FMN1: variants seen among roughly 807,000 people sequenced by gnomAD.
The protein encoded by FMN1 is formin 1, also known as formin-1.
A neutral mutation model predicts 132.4 loss-of-function variants in FMN1; 110 were observed. That is an observed-to-expected ratio of 0.83 (90% CI 0.71 to 0.97). The LOEUF is 0.97. FMN1 is among the 50% of genes least tolerant of loss of function. The probability of loss-of-function intolerance (pLI) is 0.00; values close to 1 mark genes in which losing one functional copy is unlikely to be tolerated. For synonymous variants in FMN1, 722 were observed against 651.7 expected, an observed-to-expected ratio of 1.11 and a Z score of -1.64; for missense variants, 1,792 against 1,705.3, an observed-to-expected ratio of 1.05 and a Z score of -0.90.
intron 7 of FMN1, among the ~76,000 whole-genome samples, chr15:32,992,755 G>C (rs1284620753): frequency 6.6e-6 from 1 of 152,006 alleles, no homozygotes; most frequent in African/African-American, 2.4e-5. Flanking sequence ...GGGTCTATGA[G>C]GGAATAAGAA....
intron 17 of FMN1, among the ~76,000 whole-genome samples, chr15:32,824,237 T>C (rs993709800): frequency 6.6e-6 from 1 of 152,206 alleles, no homozygotes; most frequent in Non-Finnish European, 1.5e-5. Flanking sequence ...CCCATTTCCT[T>C]CATACCATGA....
chr15:33,082,168 G>C (rs946956800), intron 5 of FMN1, among the ~76,000 whole-genome samples: 3 of 150,802 alleles, frequency 2.0e-5, no homozygotes, highest in Non-Finnish European at 4.4e-5. Flanking sequence ...CTGCCTCCCA[G>C]TTCAAGCGAT....
chr15:33,180,892 G>A (rs144127869), intron 2 of FMN1, among the ~76,000 whole-genome samples: 4 of 152,164 alleles, frequency 2.6e-5, no homozygotes, highest in Admixed American at 2.0e-4. Flanking sequence ...TGGGATTACA[G>A]GCCAAGTGCT....
At chr15:32,905,286 C>T (rs2060394585) in intron 12 of FMN1, among the ~76,000 whole-genome samples, 1 of 152,208 alleles carries the variant, frequency 6.6e-6, no homozygotes, top group South Asian at 2.1e-4. Context: ...TGAATGGTAT[C>T]ACCTAAGGTG....
At chr15:32,837,195 G>A (rs1002746512) in intron 17 of FMN1, 3 of 232,310 alleles carry the variant, frequency 1.3e-5, no homozygotes, top group Middle Eastern at 6.6e-4. Flanking sequence ...TATCCAGGAC[G>A]GGAAGCTGCT....
At chr15:32,847,838 A>G (rs1440747219) in intron 17 of FMN1, among the ~76,000 whole-genome samples, 1 of 152,084 alleles carries the variant, frequency 6.6e-6, no homozygotes, top group Admixed American at 6.6e-5. Flanking sequence ...CTGGGTGACA[A>G]AGCGAGACTC....
intron 19 of FMN1, among the ~76,000 whole-genome samples, chr15:32,778,199 CATTT>C (rs1384676908): frequency 1.5e-5 from 2 of 129,440 alleles, no homozygotes; most frequent in African/African-American, 5.9e-5. Context: ...TTATATAATA[CATTT>C]ATTTATATAT....
rs564249986 is a variant in FMN1 at position 32,895,366 on chromosome 15, A to C, written c.3714+3468T>G. On this transcript the variant is annotated intron_variant, in intron 15 of 20. Coordinates refer to ENST00000616417, the MANE Select transcript of FMN1 (RefSeq NM_001277313.2). ...GGGAAACAAAAAGAGGAAGGAAAAAAAAAAACAAAAACACAACCTTGCTTG... is the reference window on the plus strand; with the variant it reads ...GGGAAACAAAAAGAGGAAGGAAAAACAAAAACAAAAACACAACCTTGCTTG... Among the ~76,000 whole-genome samples the C allele has an allele frequency of 5.4e-4, 82 of 152,208 alleles. No individual in the cohort carries two copies. In the Middle Eastern group the frequency reaches 0.01, roughly 19 times the overall value.
intron 3 of FMN1, among the ~76,000 whole-genome samples, chr15:33,155,767 C>T (rs570798607): frequency 6.6e-5 from 10 of 152,182 alleles, no homozygotes; most frequent in African/African-American, 2.2e-4. Context: ...CTATAAGGAA[C>T]GGCTGGCCCT....
At chr15:33,061,159 G>C (rs2037464937) in intron 6 of FMN1, among the ~76,000 whole-genome samples, 1 of 152,070 alleles carries the variant, frequency 6.6e-6, no homozygotes, top group Admixed American at 6.6e-5. Flanking sequence ...AGATTTTAAA[G>C]GAATCTAAAA....
At chr15:32,804,434 ATTCGGG>A (rs2057590624) in intron 17 of FMN1, 102 bp from the exon 18 acceptor site, 2 of 93,314 alleles carry the variant, frequency 2.1e-5, no homozygotes, top group African/African-American at 1.6e-4. Context: ...GGAGGTCTGA[ATTCGGG>A]GGGGGGGGGG....
chr15:32,908,647 C>T lies in FMN1; in HGVS notation c.3289-69G>A, dbSNP rs2060486958. The T allele has an allele frequency of 4.2e-6, 4 of 945,308 alleles. No homozygotes were observed. The East Asian group carries it at 1.1e-4, about 25-fold the overall frequency. 58.6% of individuals were successfully genotyped at this position (945,308 alleles called of 1,614,324 possible). On this transcript the variant is annotated intron_variant, in intron 11 of 20. Transcript: ENST00000616417. ...AAGGGAAGTGAGACTCTGGCTATGG[C>T]AGTGGGTCTCAAAGTCTCGAAGTGT...
At chr15:32,959,715 T>C (rs2030285765) in intron 9 of FMN1, among the ~76,000 whole-genome samples, 1 of 152,244 alleles carries the variant, frequency 6.6e-6, no homozygotes, top group South Asian at 2.1e-4. Flanking sequence ...AACTCCTTTG[T>C]TGAACAGGCA....
chr15:33,074,953 G>A (rs987736733), intron 5 of FMN1, among the ~76,000 whole-genome samples: 11 of 147,054 alleles, frequency 7.5e-5, no homozygotes, highest in African/African-American at 2.0e-4. Context: ...CCTGGGAGGT[G>A]GAGGTTGCAG....
At chr15:32,955,843 CTGTG>C (rs755333262) in intron 9 of FMN1, among the ~76,000 whole-genome samples, 6 of 151,774 alleles carry the variant, frequency 4.0e-5, no homozygotes, top group African/African-American at 7.3e-5. Context: ...GCGCACGTGT[CTGTG>C]TGTGTGGTGA....
intron 15 of FMN1, among the ~76,000 whole-genome samples, chr15:32,893,947 G>T (rs915336361): frequency 1.3e-5 from 2 of 152,188 alleles, no homozygotes; most frequent in African/African-American, 4.8e-5. Context: ...CACCCTCAAA[G>T]ATTCTTCAGG....
At chr15:32,970,147 A>G (rs940034570) in intron 7 of FMN1, among the ~76,000 whole-genome samples, 1 of 152,228 alleles carries the variant, frequency 6.6e-6, no homozygotes, top group Non-Finnish European at 1.5e-5. Context: ...TTTAAAGTAT[A>G]TAAGACAGTA....
intron 7 of FMN1, among the ~76,000 whole-genome samples, chr15:32,990,976 G>A (rs1181869529): frequency 6.6e-6 from 1 of 152,118 alleles, no homozygotes; most frequent in East Asian, 1.9e-4. Flanking sequence ...TATGGGAACT[G>A]CAATTCGAGA....
intron 4 of FMN1, among the ~76,000 whole-genome samples, chr15:33,120,739 G>A (rs1456337699): frequency 1.3e-5 from 2 of 151,892 alleles, no homozygotes; most frequent in Non-Finnish European, 1.5e-5. Context: ...TATAAGATAT[G>A]GAAAAATTTA....
Sources: gnomAD v4.1 joint callset for allele counts (sites outside exome capture counted in the v4.1 genomes callset) on GRCh38, gnomAD v4.1.1 for gene constraint, MANE v1.5 for transcripts, NCBI Gene and HGNC (gene_info 2026-07-23, HGNC 2026-07-21) for gene names.